CNRIP1: variants seen among roughly 807,000 people sequenced by gnomAD.
The protein encoded by CNRIP1 is cannabinoid receptor interacting protein 1.
CNRIP1 carries 10 observed loss-of-function variants against 15.2 expected under a neutral mutation model. That is an observed-to-expected ratio of 0.66 (90% CI 0.41 to 1.12). The LOEUF (loss-of-function observed/expected upper bound fraction) is 1.12. Ranked by LOEUF, CNRIP1 falls within the 50% of genes most tolerant of loss-of-function variation. The probability of loss-of-function intolerance (pLI) is 0.00; values close to 1 mark genes in which losing one functional copy is unlikely to be tolerated. For synonymous variants in CNRIP1, 91 were observed against 83.2 expected (o/e 1.09, Z -0.51); for missense variants, 211 against 214.7 (o/e 0.98, Z 0.11).
chr2:68,305,255 A>ATAT lies in CNRIP1; in HGVS notation c.331-11230_331-11229insATA, dbSNP rs1392593278. Among the ~76,000 whole-genome samples the ATAT allele has an allele frequency of 3.1e-3, 166 of 52,856 alleles. 1 individual carries two copies. Among genetic ancestry groups the ATAT allele is most frequent in the African/African-American group, 0.01 (165 of 16,310 alleles). 34.7% of individuals were successfully genotyped at this position (52,856 alleles called of 152,430 possible). On this transcript the variant is annotated intron_variant, in intron 2 of 2. Coordinates refer to ENST00000263655, the MANE Select transcript of CNRIP1 (RefSeq NM_015463.3). ...GTGAAACTCCGTCTCAAAAAAAAAA[A>ATAT]AAAAATATATATATATATATGTGTG... is the stretch of plus-strand genomic sequence containing the variant.
In CNRIP1 at chr2:68,307,846, A is replaced by G. The variant is rs576012812; in HGVS notation, c.330+9311T>C. On this transcript the variant is annotated intron_variant, in intron 2 of 2. Transcript: ENST00000263655. ...CATATGACCATTTTGCTCCTTTTAA[A>G]GTATACAAACAATCTTACAATGTTA... 1.2e-4 allele frequency among the ~76,000 whole-genome samples: 18 copies of G among 152,212 alleles called. No individual in the cohort carries two copies. The South Asian group carries it at 3.7e-3, about 32-fold the overall frequency.
At chr2:68,305,192 C>T (rs980561806) in intron 2 of CNRIP1, among the ~76,000 whole-genome samples, 9 of 145,582 alleles carry the variant, frequency 6.2e-5, no homozygotes, top group South Asian at 4.3e-4. Context: ...TGCGGTGAGC[C>T]GAGATTGCGC....
intron 2 of CNRIP1, among the ~76,000 whole-genome samples, chr2:68,298,174 C>G (rs1178851047): frequency 6.6e-6 from 1 of 151,756 alleles, no homozygotes; most frequent in East Asian, 1.9e-4. Flanking sequence ...TATAATTTAC[C>G]AAGACTTTTA....
chr2:68,292,907 A>C, downstream of CNRIP1: 3 of 529,952 alleles, frequency 5.7e-6, no homozygotes, highest in Non-Finnish European at 7.2e-6. Flanking sequence ...CTCCGGATAC[A>C]TCCCCGTCAT....
rs1218997993 is a variant in CNRIP1 at position 68,319,712 on chromosome 2, C to T, written c.-312G>A. 9.3e-6 allele frequency: 3 copies of T among 323,804 alleles called. No homozygotes were observed. The highest frequency in any genetic ancestry group is 5.2e-5 in the Admixed American group (1 of 19,408). 20.1% of individuals were successfully genotyped at this position (323,804 alleles called of 1,614,324 possible). A position where few individuals can be genotyped will look rare whatever the true frequency, so the allele number is the denominator to read the frequency against. On this transcript the variant is annotated 5_prime_UTR_variant, in exon 1 of 3. Coordinates refer to ENST00000263655, the MANE Select transcript of CNRIP1 (RefSeq NM_015463.3). Reference sequence around the variant, plus strand: ...ACGCACCCGAAGGCTCGCTCTGGCCCGCAGGCCGCCGCGCAGATCCGCGCA... The same window carrying T: ...ACGCACCCGAAGGCTCGCTCTGGCCTGCAGGCCGCCGCGCAGATCCGCGCA...
At chr2:68,286,428 G>A (rs1671034204) in intron 2 of CNRIP1, among the ~76,000 whole-genome samples, 1 of 152,020 alleles carries the variant, frequency 6.6e-6, no homozygotes, top group Non-Finnish European at 1.5e-5. Context: ...TTCCAACTGG[G>A]TTTTGAGTTG....
intron 2 of CNRIP1, among the ~76,000 whole-genome samples, chr2:68,286,568 A>G (rs2103874409): frequency 6.6e-6 from 1 of 152,330 alleles, no homozygotes; most frequent in East Asian, 1.9e-4. Context: ...GGCTTGTTGA[A>G]CTTTTCTGAA....
At chr2:68,291,878 C>CAA (rs527648471), downstream of CNRIP1, among the ~76,000 whole-genome samples, 44 of 84,918 alleles carry the variant, frequency 5.2e-4, no homozygotes, top group Non-Finnish European at 8.2e-4. Flanking sequence ...GACTCCATCT[C>CAA]AAAAAAAAAA....
At chr2:68,305,723 G>A (rs1410701190) in intron 2 of CNRIP1, among the ~76,000 whole-genome samples, 1 of 150,936 alleles carries the variant, frequency 6.6e-6, no homozygotes, top group Non-Finnish European at 1.5e-5. Flanking sequence ...ATGAACCCGG[G>A]AGGCGGAGCT....
rs1176454426 is a variant in CNRIP1 at position 68,319,620 on chromosome 2, A to C, written c.-220T>G. On this transcript the variant is annotated 5_prime_UTR_variant, in exon 1 of 3. Transcript: ENST00000263655. ...GGCCCCCCTCCCCACTCGGCGAGGA[A>C]GCGGGCCCAAGAGACGGCTCCAAGG... 4 of 507,448 alleles carry C rather than the reference A, an allele frequency of 7.9e-6. No homozygotes were observed. The Admixed American group carries it at 1.6e-4, about 21-fold the overall frequency. The allele number at this position is 507,448 out of a possible 1,614,324, so 31.4% of individuals were successfully genotyped here. A position where few individuals can be genotyped will look rare whatever the true frequency, so the allele number is the denominator to read the frequency against.
intron 2 of CNRIP1, among the ~76,000 whole-genome samples, chr2:68,286,959 A>T (rs191452257): frequency 1.3e-5 from 2 of 152,360 alleles, no homozygotes; most frequent in African/African-American, 4.8e-5. Flanking sequence ...CATACAAAAG[A>T]TAGTCAATGA....
intron 2 of CNRIP1, among the ~76,000 whole-genome samples, chr2:68,310,394 A>G (rs941449587): frequency 6.6e-6 from 1 of 152,186 alleles, no homozygotes; most frequent in Non-Finnish European, 1.5e-5. Flanking sequence ...CAGGGTGGGT[A>G]TATCCAAAAA....
chr2:68,289,255 T>G (rs1020034091), downstream of CNRIP1, among the ~76,000 whole-genome samples: 4 of 152,194 alleles, frequency 2.6e-5, no homozygotes, highest in Admixed American at 6.5e-5. Flanking sequence ...AGATGGCTGT[T>G]TGTGGAAAAA....
chr2:68,290,778 T>C (rs1671149402), downstream of CNRIP1, among the ~76,000 whole-genome samples: 1 of 152,220 alleles, frequency 6.6e-6, no homozygotes, highest in Admixed American at 6.5e-5. Flanking sequence ...ATGTTTTCTG[T>C]TCTTAACTGT....
At chr2:68,296,564 ATG>A (rs140524601) in intron 2 of CNRIP1, among the ~76,000 whole-genome samples, 3 of 151,096 alleles carry the variant, frequency 2.0e-5, no homozygotes, top group East Asian at 3.9e-4. Context: ...ATATATGTGT[ATG>A]TGTGTGTGTG....
intron 2 of CNRIP1, among the ~76,000 whole-genome samples, chr2:68,304,743 C>T (rs1671747358): frequency 6.6e-6 from 1 of 151,978 alleles, no homozygotes; most frequent in Non-Finnish European, 1.5e-5. Context: ...GCCTCAACCT[C>T]CCAAGTAGCT....
intron 2 of CNRIP1, among the ~76,000 whole-genome samples, chr2:68,312,429 AC>A (rs566493010): frequency 1.6e-4 from 24 of 152,328 alleles, no homozygotes; most frequent in African/African-American, 2.9e-4. Flanking sequence ...GATTAAAAAA[AC>A]ATTCAGTAAA....
rs376739551 is a variant in CNRIP1, at chr2:68,304,086, A to AC, written c.331-10061_331-10060insG. On this transcript the variant is annotated intron_variant, in intron 2 of 2. Coordinates refer to ENST00000263655, the MANE Select transcript of CNRIP1 (RefSeq NM_015463.3). ...AGCAAGACTGTCTAAAAACAAACAA[A>AC]AAAAACAAACAAAAAAGCCAGCCAG... 9.6e-4 allele frequency among the ~76,000 whole-genome samples: 143 copies of AC among 149,108 alleles called. 2 individuals carry two copies. Among genetic ancestry groups the AC allele is most frequent in the African/African-American group, 3.3e-3 (128 of 39,206 alleles).
chr2:68,307,115 A>C (rs1204613959), intron 2 of CNRIP1, among the ~76,000 whole-genome samples: 6 of 152,268 alleles, frequency 3.9e-5, no homozygotes. Context: ...ATTTAACATT[A>C]AATGTTATAC....
Sources: allele counts gnomAD v4.1 joint callset (sites outside exome capture counted in the v4.1 genomes callset), GRCh38; gene constraint gnomAD v4.1.1; transcripts MANE v1.5; gene names NCBI Gene and HGNC (gene_info 2026-07-23, HGNC 2026-07-21).